Variants in RBFOX2 observed in about 807,000 individuals in gnomAD.
The protein encoded by RBFOX2 is RNA binding protein fox-1 homolog 2.
RBFOX2 carries 10 observed loss-of-function variants against 49.1 expected under a neutral mutation model. The ratio of observed to expected loss-of-function variants is 0.20; its 90% confidence interval spans 0.13 to 0.35. The LOEUF is 0.35. Among genes scored for constraint, RBFOX2 ranks in the 10% least tolerant of loss-of-function variants. The pLI is 1.00. For missense variants in RBFOX2, 323 were observed against 486.9 expected, an observed-to-expected ratio of 0.66 and a Z score of 3.17; for synonymous variants, 183 against 187.4, an observed-to-expected ratio of 0.98 and a Z score of 0.19.
chr22:35,944,242 G>A (rs2054019396), intron 1 of RBFOX2, among the ~76,000 whole-genome samples: 1 of 152,160 alleles, frequency 6.6e-6, no homozygotes, highest in Non-Finnish European at 1.5e-5. Context: ...AGTGTGTGGG[G>A]GGATGGAGGT....
intron 1 of RBFOX2, among the ~76,000 whole-genome samples, chr22:35,991,648 G>T (rs187939810): frequency 1.1e-4 from 17 of 152,252 alleles, no homozygotes; most frequent in African/African-American, 3.6e-4. Flanking sequence ...CTGGTCACTG[G>T]AGAGAGGAAG....
chr22:35,860,181 G>C (rs996856772), intron 1 of RBFOX2, among the ~76,000 whole-genome samples: 1 of 151,950 alleles, frequency 6.6e-6, no homozygotes, highest in Non-Finnish European at 1.5e-5. Context: ...ATTGGTCTTG[G>C]GGATATTAGC....
chr22:35,909,915 A>AT (rs1569481589), intron 1 of RBFOX2, among the ~76,000 whole-genome samples: 1 of 152,226 alleles, frequency 6.6e-6, no homozygotes, highest in Non-Finnish European at 1.5e-5. Flanking sequence ...GCCGGGCCTT[A>AT]CTTTCTTTTT....
chr22:35,759,447 G>C lies in RBFOX2; in HGVS notation c.887+441C>G, dbSNP rs182216092. Among the ~76,000 whole-genome samples the C allele has an allele frequency of 1.3e-5, 2 of 152,312 alleles. No homozygotes were observed. Among genetic ancestry groups the C allele is most frequent in the Non-Finnish European group, 2.9e-5 (2 of 68,022 alleles). On this transcript the variant is annotated intron_variant, in intron 9 of 11. Transcript: ENST00000405409. This position sits in a 1 kb window ranked among gnomAD's most constrained non-coding sequence, Gnocchi z 4.6. Reference sequence around the variant, plus strand: ...CACCACCCAGGCAGTGAAACCAAAGGGGAGGACACATGTGACAGCCTCTGC... The same window carrying C: ...CACCACCCAGGCAGTGAAACCAAAGCGGAGGACACATGTGACAGCCTCTGC...
intron 1 of RBFOX2, among the ~76,000 whole-genome samples, chr22:35,882,819 G>A (rs190435865): frequency 6.6e-6 from 1 of 152,276 alleles, no homozygotes; most frequent in East Asian, 1.9e-4. Flanking sequence ...CTTATGACTT[G>A]TAAGCAAAAG....
intron 1 of RBFOX2, chr22:35,822,063 ACT>A: frequency 6.4e-6 from 3 of 467,918 alleles, no homozygotes; most frequent in South Asian, 4.6e-5. Flanking sequence ...GCCTTGTCTC[ACT>A]CTTCTTTCCC....
chr22:35,860,353 C>T (rs578109787), intron 1 of RBFOX2, among the ~76,000 whole-genome samples: 2 of 152,344 alleles, frequency 1.3e-5, no homozygotes, highest in Admixed American at 1.3e-4. Context: ...ATCAACTAAC[C>T]TGCCAACTGC....
chr22:35,851,595 G>A (rs1166104734), intron 1 of RBFOX2, among the ~76,000 whole-genome samples: 1 of 152,156 alleles, frequency 6.6e-6, no homozygotes, highest in East Asian at 1.9e-4. Context: ...GGGAGGCTGA[G>A]GCAGGGGGAT....
chr22:35,925,437 G>A (rs748483817), intron 1 of RBFOX2, among the ~76,000 whole-genome samples: 39 of 152,136 alleles, frequency 2.6e-4, no homozygotes, highest in Non-Finnish European at 2.8e-4. Context: ...GGCTGAGGTG[G>A]GAGGATCACT....
intron 1 of RBFOX2, among the ~76,000 whole-genome samples, chr22:35,936,572 G>C (rs965075235): frequency 1.3e-5 from 2 of 152,124 alleles, no homozygotes; most frequent in Admixed American, 6.5e-5. Context: ...GATCCAACCA[G>C]AGTACAAATT....
chr22:35,784,870 G>C (rs1299647292), intron 2 of RBFOX2, among the ~76,000 whole-genome samples: 2 of 152,242 alleles, frequency 1.3e-5, no homozygotes, highest in East Asian at 3.8e-4. Context: ...GGTGGGGCAG[G>C]CTCCTAGGCC....
upstream of RBFOX2, chr22:35,939,186 G>C: frequency 1.7e-6 from 1 of 581,342 alleles, no homozygotes. Context: ...TACTGCGACT[G>C]GGGTCAGAGT....
intron 1 of RBFOX2, among the ~76,000 whole-genome samples, chr22:35,859,774 G>A (rs1183665812): frequency 6.6e-6 from 1 of 152,130 alleles, no homozygotes; most frequent in African/African-American, 2.4e-5. Context: ...TGTTGGCCAG[G>A]CTGGTCTCAC....
chr22:35,783,914 G>A (rs185318528), intron 2 of RBFOX2, among the ~76,000 whole-genome samples: 88 of 152,264 alleles, frequency 5.8e-4, no homozygotes, highest in Admixed American at 2.1e-3. Context: ...CAGGCTCAGG[G>A]GCTTCCCAGT....
intron 1 of RBFOX2, among the ~76,000 whole-genome samples, chr22:35,849,272 A>AACAC (rs139912549): frequency 0.016 from 2,195 of 141,016 alleles, 53 homozygotes; most frequent in African/African-American, 0.056. Context: ...CCTGGTTCAA[A>AACAC]ACACACACAC....
chr22:35,827,702 T>G (rs1956043417), intron 1 of RBFOX2, among the ~76,000 whole-genome samples: 1 of 152,236 alleles, frequency 6.6e-6, no homozygotes, highest in East Asian at 1.9e-4. Flanking sequence ...TATCCCACTT[T>G]GTATTATAAT....
intron 4 of RBFOX2, among the ~76,000 whole-genome samples, chr22:35,772,298 T>A (rs1011354636): frequency 6.6e-6 from 1 of 152,146 alleles, no homozygotes; most frequent in Non-Finnish European, 1.5e-5. Context: ...ACAAACCACA[T>A]ATATAATTTA....
chr22:35,836,067 T>A (rs1957597781), intron 1 of RBFOX2, among the ~76,000 whole-genome samples: 1 of 151,890 alleles, frequency 6.6e-6, no homozygotes, highest in African/African-American at 2.4e-5. Flanking sequence ...AAACAAACAG[T>A]GTGGCTGCAG....
chr22:35,807,813 C>G (rs185524906), intron 2 of RBFOX2, among the ~76,000 whole-genome samples: 1 of 151,798 alleles, frequency 6.6e-6, no homozygotes, highest in East Asian at 1.9e-4. Flanking sequence ...CTGGAAAAAT[C>G]TGCAAAATTA....
Sources: gnomAD v4.1 joint callset for allele counts (sites outside exome capture counted in the v4.1 genomes callset) on GRCh38, gnomAD v4.1.1 for gene constraint, Gnocchi (gnomAD v3.1) non-coding constraint, MANE v1.5 for transcripts, NCBI Gene and HGNC (gene_info 2026-07-23, HGNC 2026-07-21) for gene names.